CADM2: variants seen among roughly 807,000 people sequenced by gnomAD.
CADM2 encodes cell adhesion molecule 2.
Under a neutral mutation model 49.8 loss-of-function variants are expected in CADM2, and 12 were observed. The ratio of observed to expected loss-of-function variants is 0.24; its 90% CI spans 0.15 to 0.39. The LOEUF is 0.39. Among genes scored for constraint, CADM2 ranks in the 10% least tolerant of loss-of-function variants. The probability of loss-of-function intolerance (pLI) is 1.00; values close to 1 mark genes in which losing one functional copy is unlikely to be tolerated. For synonymous variants in CADM2, 214 were observed against 175.4 expected (o/e 1.22, Z -1.74); for missense variants, 378 against 492.3 (o/e 0.77, Z 2.20).
At chr3:85,171,069 A>C (rs2040612361) in intron 1 of CADM2, among the ~76,000 whole-genome samples, 1 of 152,216 alleles carries the variant, frequency 6.6e-6, no homozygotes, top group Non-Finnish European at 1.5e-5. Flanking sequence ...CAAATGTTTT[A>C]ATTTTTTTTG....
intron 1 of CADM2, among the ~76,000 whole-genome samples, chr3:85,474,920 A>G (rs2038916542): frequency 1.3e-5 from 2 of 152,120 alleles, no homozygotes; most frequent in South Asian, 2.1e-4. Context: ...CATAAACTAC[A>G]GACTCAGCAT....
rs1302925022 is a variant in CADM2 at position 85,892,405 on chromosome 3, C to T, written c.529+6078C>T. On this transcript the variant is annotated intron_variant, in intron 5 of 9. Coordinates refer to ENST00000383699, the MANE Select transcript of CADM2 (RefSeq NM_001167675.2). ...TGATATGGTTGGCTATGTCCCCACC[C>T]AAATCTCATCTTGAATTCTAGCTCC... Among the ~76,000 whole-genome samples, 7 of 152,234 alleles carry T rather than the reference C, an allele frequency of 4.6e-5. No homozygotes were observed. The East Asian group carries it at 1.4e-3, about 29-fold the overall frequency.
intron 1 of CADM2, among the ~76,000 whole-genome samples, chr3:85,259,919 T>A (rs538510679): frequency 3.3e-5 from 5 of 152,118 alleles, no homozygotes; most frequent in Non-Finnish European, 7.4e-5. Flanking sequence ...GGTTTCCTAG[T>A]GCAGACACAA....
rs542500987 is a variant in CADM2, at chr3:85,098,718, C to T, written c.61+139050C>T. On this transcript the variant is annotated intron_variant, in intron 1 of 9. Transcript: ENST00000383699. ...CCCAAATATGTGCATACAGAAGTCT[C>T]ACAGTTGGTCCTGGGGAACCCACGT... is the stretch of plus-strand genomic sequence containing the variant. Among the ~76,000 whole-genome samples, 9 of 152,282 alleles carry T rather than the reference C, an allele frequency of 5.9e-5. No homozygotes were observed. In the South Asian group the frequency reaches 1.9e-3, roughly 32 times the overall value.
intron 8 of CADM2, among the ~76,000 whole-genome samples, chr3:86,015,929 T>G (rs1732162183): frequency 6.6e-6 from 1 of 152,204 alleles, no homozygotes; most frequent in Non-Finnish European, 1.5e-5. Context: ...AAATAAGGAT[T>G]GTGGTTTATC....
At chr3:85,392,365 G>T (rs773987910) in intron 1 of CADM2, among the ~76,000 whole-genome samples, 3 of 152,054 alleles carry the variant, frequency 2.0e-5, no homozygotes, top group Non-Finnish European at 2.9e-5. Flanking sequence ...ACAGGCTATA[G>T]AAACTAACAG....
At position 85,564,945 on chromosome 3, in the gene CADM2, A is replaced by G. The variant is rs978223779; in HGVS notation, c.62-161577A>G. ...ATAAAAACTTCAGCATTTTATAAAG[A>G]CACAAGGTATATAGCTCGAAGCTTT... On this transcript the variant is annotated intron_variant, in intron 1 of 9. Coordinates refer to ENST00000383699, the MANE Select transcript of CADM2 (RefSeq NM_001167675.2). Among the ~76,000 whole-genome samples the G allele has an allele frequency of 2.0e-5, 3 of 152,138 alleles. No homozygotes were observed. In the East Asian group the frequency reaches 5.8e-4, roughly 29 times the overall value.
chr3:85,778,560 G>T (rs2070472937), intron 2 of CADM2, among the ~76,000 whole-genome samples: 1 of 152,086 alleles, frequency 6.6e-6, no homozygotes, highest in African/African-American at 2.4e-5. Context: ...GCCACTCTGT[G>T]AAGAAGGTTT....
chr3:86,035,360 A>G (rs1735026197), intron 8 of CADM2, among the ~76,000 whole-genome samples: 1 of 152,016 alleles, frequency 6.6e-6, no homozygotes, highest in Non-Finnish European at 1.5e-5. Flanking sequence ...TGATCTTTGT[A>G]GGCTGACCTA....
chr3:86,013,933 A>G, intron 8 of CADM2: 1 of 1,583,784 alleles, frequency 6.3e-7, no homozygotes, highest in South Asian at 1.1e-5. Flanking sequence ...TGTGCCTTAA[A>G]TATGTGGTTG....
At chr3:85,055,096 T>A (rs2036030689) in intron 1 of CADM2, among the ~76,000 whole-genome samples, 1 of 151,934 alleles carries the variant, frequency 6.6e-6, no homozygotes, top group African/African-American at 2.4e-5. Context: ...ACTTCTGCCA[T>A]GACCCCACAG....
At chr3:85,726,467 T>G (rs1259305494) in intron 1 of CADM2, 55 bp from the exon 2 acceptor site, 1 of 1,594,548 alleles carries the variant, frequency 6.3e-7, no homozygotes, top group African/African-American at 1.3e-5. Flanking sequence ...CTAGAGAATC[T>G]GTCTAATATC....
chr3:85,916,738 A>G (rs1358581200), intron 6 of CADM2, among the ~76,000 whole-genome samples: 1 of 151,912 alleles, frequency 6.6e-6, no homozygotes, highest in East Asian at 1.9e-4. Flanking sequence ...ATCCCTGAGG[A>G]ATCACCACAC....
chr3:85,336,584 C>T (rs921488748), intron 1 of CADM2, among the ~76,000 whole-genome samples: 1 of 150,838 alleles, frequency 6.6e-6, no homozygotes, highest in African/African-American at 2.4e-5. Flanking sequence ...TTTATATTGT[C>T]AACTATCAAT....
chr3:85,930,835 A>G (rs529059571), intron 6 of CADM2, among the ~76,000 whole-genome samples: 4 of 151,496 alleles, frequency 2.6e-5, no homozygotes, highest in Admixed American at 2.6e-4. Flanking sequence ...TTAAATATGA[A>G]CTAAGATTAA....
chr3:85,895,002 A>AC (rs1715025835), intron 5 of CADM2, among the ~76,000 whole-genome samples: 1 of 152,128 alleles, frequency 6.6e-6, no homozygotes, highest in South Asian at 2.1e-4. Flanking sequence ...TGGGGTCATA[A>AC]CCCCCACAGA....
At chr3:86,039,767 C>A (rs1054280940) in intron 8 of CADM2, among the ~76,000 whole-genome samples, 2 of 152,136 alleles carry the variant, frequency 1.3e-5, no homozygotes, top group African/African-American at 4.8e-5. Context: ...GGAGATCTGA[C>A]AACAGACAGA....
chr3:85,946,121 C>T (rs1722656898), intron 7 of CADM2, among the ~76,000 whole-genome samples: 1 of 152,018 alleles, frequency 6.6e-6, no homozygotes, highest in Non-Finnish European at 1.5e-5. Context: ...CACAAGCATT[C>T]TTATATACCA....
intron 3 of CADM2, among the ~76,000 whole-genome samples, chr3:85,843,915 TA>T (rs999060122): frequency 1.3e-5 from 2 of 151,952 alleles, no homozygotes; most frequent in African/African-American, 2.4e-5. Context: ...GAGCGGTTAC[TA>T]AAAAAACAAA....
Sources: gnomAD v4.1 joint callset for allele counts (sites outside exome capture counted in the v4.1 genomes callset) on GRCh38, gnomAD v4.1.1 for gene constraint, MANE v1.5 for transcripts, NCBI Gene and HGNC (gene_info 2026-07-23, HGNC 2026-07-21) for gene names.